PCBP3: variants seen among roughly 807,000 people sequenced by gnomAD.
PCBP3 encodes the protein poly(rC)-binding protein 3.
In PCBP3, 25 loss-of-function variants were observed where a neutral mutation model predicts 52.7. That is an observed-to-expected ratio of 0.47 (90% CI 0.35 to 0.66). PCBP3 has a LOEUF of 0.66. Among genes scored for constraint, PCBP3 ranks in the 30% least tolerant of loss-of-function variants. PCBP3 has a pLI of 0.01. For missense variants in PCBP3, 391 were observed against 490.3 expected, an observed-to-expected ratio of 0.80 and a Z score of 1.91; for synonymous variants, 162 against 183.0, an observed-to-expected ratio of 0.89 and a Z score of 0.93.
intron 1 of PCBP3, among the ~76,000 whole-genome samples, chr21:45,667,557 G>GTT: frequency 1.3e-5 from 2 of 152,102 alleles, no homozygotes; most frequent in African/African-American, 4.8e-5. Context: ...ATTGATATCT[G>GTT]CTTGGTGAAA....
intron 5 of PCBP3, among the ~76,000 whole-genome samples, chr21:45,852,523 C>T (rs569284412): frequency 7.0e-6 from 1 of 142,264 alleles, no homozygotes; most frequent in Non-Finnish European, 1.5e-5. Flanking sequence ...GACTTTTGTT[C>T]AGAAGGAACA....
chr21:45,703,323 A>G (rs1319732857), intron 2 of PCBP3, among the ~76,000 whole-genome samples: 2 of 152,220 alleles, frequency 1.3e-5, no homozygotes, highest in African/African-American at 2.4e-5. Context: ...TGTGGCAGCT[A>G]TAGCCTTACA....
intron 5 of PCBP3, chr21:45,893,778 G>A (rs1332502293): frequency 1.0e-6 from 1 of 985,386 alleles, no homozygotes; most frequent in Non-Finnish European, 1.2e-6. Context: ...AACACAGTGT[G>A]GGGAGGGGCG....
At chr21:45,923,829 G>A in intron 13 of PCBP3, among the ~76,000 whole-genome samples, 1 of 149,700 alleles carries the variant, frequency 6.7e-6, no homozygotes, top group Admixed American at 6.7e-5. Context: ...ACGAGGAGAT[G>A]CGAACACCGG....
At chr21:45,742,448 C>G (rs2086523466) in intron 3 of PCBP3, among the ~76,000 whole-genome samples, 1 of 152,194 alleles carries the variant, frequency 6.6e-6, no homozygotes, top group East Asian at 1.9e-4. Flanking sequence ...CATAAGCATT[C>G]TTGCATTATT....
intron 4 of PCBP3, among the ~76,000 whole-genome samples, chr21:45,783,436 A>C (rs539378260): frequency 6.6e-6 from 1 of 152,350 alleles, no homozygotes; most frequent in East Asian, 1.9e-4. Context: ...TCAACAGTAC[A>C]TTTGCAACCT....
chr21:45,875,424 C>G (rs1025984705), intron 5 of PCBP3, among the ~76,000 whole-genome samples: 1 of 152,248 alleles, frequency 6.6e-6, no homozygotes, highest in Non-Finnish European at 1.5e-5. Context: ...CTTTTCACCC[C>G]CTGCACCATG....
chr21:45,707,128 A>T (rs1234802680), intron 2 of PCBP3, among the ~76,000 whole-genome samples: 1 of 152,160 alleles, frequency 6.6e-6, no homozygotes, highest in Non-Finnish European at 1.5e-5. Context: ...ATATTCCCTG[A>T]TAGAAGCCTT....
At chr21:45,687,712 C>T (rs927524916) in intron 2 of PCBP3, among the ~76,000 whole-genome samples, 11 of 150,970 alleles carry the variant, frequency 7.3e-5, no homozygotes, top group African/African-American at 2.4e-4. Context: ...AAAGACTAAT[C>T]GGAGATAAAG....
Position 45,917,514 on chromosome 21 carries a change from C to G in PCBP3, c.676-74C>G. 1 of 1,179,468 alleles carries G rather than the reference C, an allele frequency of 8.5e-7. No individual in the cohort carries two copies. Among genetic ancestry groups the G allele is most frequent in the Non-Finnish European group, 1.3e-6 (1 of 791,594 alleles). 73.1% of individuals were successfully genotyped at this position (1,179,468 alleles called of 1,614,324 possible). A position where few individuals can be genotyped will look rare whatever the true frequency, so the allele number is the denominator to read the frequency against. ...CTTCTACCGGAGGGTCCTTGTCATG[C>G]TGGAGGGTGGCGGCGGGTGCTGAGC... On this transcript the variant is annotated intron_variant, in intron 12 of 17. Transcript: ENST00000681687. This position sits in a 1 kb window ranked among gnomAD's most constrained non-coding sequence, Gnocchi z 5.3.
chr21:45,845,548 T>C (rs957961124), intron 4 of PCBP3, among the ~76,000 whole-genome samples: 10 of 151,292 alleles, frequency 6.6e-5, no homozygotes, highest in African/African-American at 2.2e-4. Context: ...TGTATGCATG[T>C]GTGTGAGCTG....
intron 2 of PCBP3, among the ~76,000 whole-genome samples, chr21:45,698,974 C>A (rs1456200049): frequency 2.0e-5 from 3 of 152,186 alleles, no homozygotes; most frequent in African/African-American, 4.8e-5. Context: ...TCTGTGAACA[C>A]TTTTCTCCAA....
At chr21:45,804,569 C>T (rs143028254) in intron 4 of PCBP3, among the ~76,000 whole-genome samples, 6 of 152,216 alleles carry the variant, frequency 3.9e-5, no homozygotes, top group African/African-American at 9.6e-5. Context: ...TCTGCACCCC[C>T]CTGACCCTGA....
chr21:45,900,498 G>A (rs976704911), intron 7 of PCBP3, 93 bp from the exon 8 acceptor site: 38 of 928,360 alleles, frequency 4.1e-5, no homozygotes, highest in Admixed American at 7.0e-5. Flanking sequence ...CTGTGTGGGC[G>A]TATGGGCCAG....
At chr21:45,851,635 A>G (rs1340294166) in intron 5 of PCBP3, among the ~76,000 whole-genome samples, 3 of 149,004 alleles carry the variant, frequency 2.0e-5, no homozygotes, top group Non-Finnish European at 4.5e-5. Flanking sequence ...AGATAGATAG[A>G]TAGATAGGTA....
intron 4 of PCBP3, among the ~76,000 whole-genome samples, chr21:45,845,198 C>G (rs562367287): frequency 4.7e-4 from 71 of 152,356 alleles, no homozygotes; most frequent in African/African-American, 1.6e-3. Context: ...CAGATGATCT[C>G]TTACCAAGTC....
At chr21:45,762,048 T>C (rs1569193310) in intron 4 of PCBP3, 2 of 152,412 alleles carry the variant, frequency 1.3e-5, no homozygotes, top group East Asian at 3.9e-4. Context: ...TCCTTTATTT[T>C]CTATTGCTGT....
intron 5 of PCBP3, among the ~76,000 whole-genome samples, chr21:45,864,272 A>C (rs149264194): frequency 1.3e-4 from 20 of 152,276 alleles, no homozygotes; most frequent in African/African-American, 4.8e-4. Flanking sequence ...AGCGTGGGGT[A>C]CTGAAGTCCA....
intron 4 of PCBP3, among the ~76,000 whole-genome samples, chr21:45,820,989 T>C (rs574827033): frequency 6.6e-6 from 1 of 152,262 alleles, no homozygotes; most frequent in East Asian, 1.9e-4. Context: ...AGGAGTGCGT[T>C]CTGAGAGGAG....
Sources: gnomAD v4.1 joint callset for allele counts (sites outside exome capture counted in the v4.1 genomes callset) on GRCh38, gnomAD v4.1.1 for gene constraint, Gnocchi (gnomAD v3.1) non-coding constraint, MANE v1.5 for transcripts, NCBI Gene and HGNC (gene_info 2026-07-23, HGNC 2026-07-21) for gene names.